ADGRV1: variants seen among roughly 807,000 people sequenced by gnomAD.
ADGRV1 encodes the protein adhesion G protein-coupled receptor V1.
ADGRV1 carries 359 observed loss-of-function variants against 596.2 expected under a neutral mutation model. That is an observed-to-expected ratio of 0.60 (90% confidence interval 0.55 to 0.66). The LOEUF (loss-of-function observed/expected upper bound fraction) is 0.66, where lower values mean the gene tolerates loss of function less well. ADGRV1 is among the 30% of genes least tolerant of loss of function. The pLI is 0.00. For synonymous variants in ADGRV1, 2,681 were observed against 2,679.2 expected (o/e 1.00, Z -0.02); for missense variants, 7,274 against 7,575.6 (o/e 0.96, Z 1.48).
chr5:90,705,088 G>T (rs1326628531), intron 36 of ADGRV1, among the ~76,000 whole-genome samples: 3 of 152,102 alleles, frequency 2.0e-5, no homozygotes, highest in Admixed American at 6.6e-5. Flanking sequence ...GATTACAGGC[G>T]TGAGCCACCA....
At chr5:90,990,835 T>A (rs973139980) in intron 85 of ADGRV1, among the ~76,000 whole-genome samples, 7 of 152,200 alleles carry the variant, frequency 4.6e-5, no homozygotes, top group Non-Finnish European at 7.3e-5. Flanking sequence ...GTAGTCTCTA[T>A]TGAGTAGTTT....
chr5:90,662,304 C>T (rs1770459482), intron 21 of ADGRV1, among the ~76,000 whole-genome samples: 1 of 151,376 alleles, frequency 6.6e-6, no homozygotes, highest in Non-Finnish European at 1.5e-5. Context: ...CGCCATTCTC[C>T]TGCCTCAGCC....
chr5:90,645,455 G>T (rs1767615587), intron 15 of ADGRV1, among the ~76,000 whole-genome samples: 2 of 152,108 alleles, frequency 1.3e-5, no homozygotes, highest in Non-Finnish European at 2.9e-5. Flanking sequence ...TCCACCTGGG[G>T]ATCCATTTAG....
chr5:90,859,774 T>A (rs2366934), intron 82 of ADGRV1, among the ~76,000 whole-genome samples: 3,222 of 152,178 alleles, frequency 0.021, 100 homozygotes, highest in African/African-American at 0.073. Context: ...AGTGCAAAGA[T>A]GAATTTTTAA....
Position 91,061,679 on chromosome 5 carries a change from A to G in ADGRV1, c.18153-10768A>G, listed in dbSNP as rs543073980. ...CTCAATCTTTTCAAGCAATATAAGC[A>G]TATAAGTACATTTTAAGCACTTAAA... On this transcript the variant is annotated intron_variant, in intron 85 of 89. Transcript: ENST00000405460. 4.6e-5 allele frequency among the ~76,000 whole-genome samples: 7 copies of G among 152,332 alleles called. 1 individual carries two copies. Among genetic ancestry groups the G allele is most frequent in the African/African-American group, 1.7e-4 (7 of 41,576 alleles).
At chr5:90,586,511 T>C (rs1463633915) in intron 1 of ADGRV1, among the ~76,000 whole-genome samples, 3 of 152,246 alleles carry the variant, frequency 2.0e-5, no homozygotes, top group South Asian at 2.1e-4. Context: ...ATTTGTCCCA[T>C]AGAATGTCCA....
Position 90,840,807 on chromosome 5 carries a change from C to T in ADGRV1, c.16841C>T (p.Thr5614Ile), listed in dbSNP as rs149544995. 1,400 of 1,613,900 alleles carry T rather than the reference C, an allele frequency of 8.7e-4. 23 individuals are homozygous for T. In the Admixed American group the frequency reaches 0.023, roughly 26 times the overall value. Residue 5614 changes from threonine to isoleucine, a missense_variant, in exon 78 of 90, where the codon ACT becomes ATT. Physicochemically the swap from Thr to Ile is moderately conservative, Grantham distance 89. Transcript: ENST00000405460. ...GGARIDKVYG[T>I]ANITLVSDAD... ...GCCAGAATTGATAAAGTGTATGGGA[C>T]TGCCAACATCACTCTTGTCTCAGAT...
At chr5:90,827,703 T>A (rs1276328466) in intron 76 of ADGRV1, among the ~76,000 whole-genome samples, 1 of 152,206 alleles carries the variant, frequency 6.6e-6, no homozygotes, top group African/African-American at 2.4e-5. Context: ...TACAATTATT[T>A]CCATATTTCA....
chr5:91,108,714 C>T (rs1792110430), intron 87 of ADGRV1, among the ~76,000 whole-genome samples: 1 of 152,086 alleles, frequency 6.6e-6, no homozygotes, highest in Non-Finnish European at 1.5e-5. Context: ...GCCTCATCCC[C>T]ACAAGTAGCT....
chr5:90,582,808 G>T (rs541732070), intron 1 of ADGRV1, among the ~76,000 whole-genome samples: 120 of 152,308 alleles, frequency 7.9e-4, no homozygotes, highest in Non-Finnish European at 1.2e-3. Context: ...GTCTTCAAGT[G>T]ATCCTCCTGC....
At chr5:90,794,324 G>T (rs1473764301) in intron 70 of ADGRV1, among the ~76,000 whole-genome samples, 1 of 152,144 alleles carries the variant, frequency 6.6e-6, no homozygotes, top group Non-Finnish European at 1.5e-5. Flanking sequence ...CTGGTAAGTT[G>T]TTAACACCTG....
intron 85 of ADGRV1, among the ~76,000 whole-genome samples, chr5:91,063,159 A>G (rs997826431): frequency 9.9e-5 from 15 of 151,306 alleles, no homozygotes; most frequent in Non-Finnish European, 1.9e-4. Context: ...GAGTTTCTCC[A>G]TGTTGCTCAG....
At chr5:90,625,092 T>G (rs1392916748) in intron 5 of ADGRV1, 38 bp from the exon 6 acceptor site, 1 of 1,217,752 alleles carries the variant, frequency 8.2e-7, no homozygotes, top group South Asian at 1.3e-5. Context: ...TTGTGAAGTA[T>G]TTTGCATTTA....
At chr5:90,815,385 G>A (rs1762797078) in intron 74 of ADGRV1, among the ~76,000 whole-genome samples, 1 of 152,064 alleles carries the variant, frequency 6.6e-6, no homozygotes, top group Non-Finnish European at 1.5e-5. Flanking sequence ...GTGTGTCAGG[G>A]GGAAAGAGTG....
intron 17 of ADGRV1, 97 bp downstream of exon 17, chr5:90,647,861 A>G: frequency 1.9e-6 from 2 of 1,050,188 alleles, no homozygotes; most frequent in Non-Finnish European, 2.8e-6. Flanking sequence ...AGTAGGGCCT[A>G]ACTACATTTG....
chr5:90,652,392 C>A lies in ADGRV1; in HGVS notation c.3463C>A (p.Gln1155Lys). Reference sequence around the variant, plus strand: ...CTTTGGTAGTGTTTCTGTATCTTGGCAGCTCTTTCAGAATGATTCTGCTTT... The same window carrying A: ...CTTTGGTAGTGTTTCTGTATCTTGGAAGCTCTTTCAGAATGATTCTGCTTT... ...GYFGSVSVSW[Q>K]LFQNDSALQP... Residue 1155 changes from glutamine (Q) to lysine (K), a missense_variant, in exon 19 of 90, where the codon CAG becomes AAG. Around this residue, in one of 5 missense-constraint regions of ADGRV1, gnomAD observed 1,715 missense variants for 1,708.8 expected, o/e 1.00. Coordinates refer to ENST00000405460, the MANE Select transcript of ADGRV1 (RefSeq NM_032119.4). 6.2e-7 allele frequency: 1 copy of A among 1,609,802 alleles called. No individual in the cohort carries two copies. The highest frequency in any genetic ancestry group is 8.5e-7 in the Non-Finnish European group (1 of 1,178,264).
chr5:90,650,330 A>G (rs1768407563), intron 17 of ADGRV1, among the ~76,000 whole-genome samples: 2 of 152,254 alleles, frequency 1.3e-5, no homozygotes, highest in Non-Finnish European at 2.9e-5. Flanking sequence ...TTACAAATGC[A>G]TATGATAATA....
chr5:90,937,097 A>T (rs866585033), intron 83 of ADGRV1, among the ~76,000 whole-genome samples: 2 of 152,100 alleles, frequency 1.3e-5, no homozygotes, highest in Admixed American at 6.5e-5. Flanking sequence ...AGACTTTAAG[A>T]TTCTCCAGTT....
rs1213411805 is a variant in ADGRV1, at chr5:91,090,590, A to T, written c.18311-11629A>T. ...TCTCCTCTTTAACCCTGGAAAATATACTCTAGGCCAATACTGATTCACTTC... is the reference window on the plus strand; with the variant it reads ...TCTCCTCTTTAACCCTGGAAAATATTCTCTAGGCCAATACTGATTCACTTC... On this transcript the variant is annotated intron_variant, in intron 86 of 89. Coordinates refer to ENST00000405460, the MANE Select transcript of ADGRV1 (RefSeq NM_032119.4). Among the ~76,000 whole-genome samples the T allele has an allele frequency of 4.0e-5, 6 of 149,648 alleles. No homozygotes were observed. The Admixed American group carries it at 4.1e-4, about 10-fold the overall frequency.
Sources: gnomAD v4.1 joint callset for allele counts (sites outside exome capture counted in the v4.1 genomes callset) on GRCh38, gnomAD v4.1.1 for gene constraint, gnomAD v4.1.1 regional missense constraint, MANE v1.5 for transcripts, NCBI Gene and HGNC (gene_info 2026-07-23, HGNC 2026-07-21) for gene names.